FHOD3: variants seen among roughly 807,000 people sequenced by gnomAD.
FHOD3 encodes FH1/FH2 domain-containing protein 3.
Under a neutral mutation model 173.0 loss-of-function variants are expected in FHOD3, and 90 were observed. The ratio of observed to expected loss-of-function variants is 0.52; its 90% CI spans 0.44 to 0.62. The LOEUF is 0.62. FHOD3 is among the 20% of genes least tolerant of loss of function. The probability of loss-of-function intolerance (pLI) is 0.00; values close to 1 mark genes in which losing one functional copy is unlikely to be tolerated. For missense variants in FHOD3, 1,945 were observed against 2,034.7 expected, an observed-to-expected ratio of 0.96 and a Z score of 0.85; for synonymous variants, 828 against 823.0, an observed-to-expected ratio of 1.01 and a Z score of -0.10.
intron 2 of FHOD3, among the ~76,000 whole-genome samples, chr18:36,369,778 G>A (rs2047087099): frequency 6.6e-6 from 1 of 151,906 alleles, no homozygotes; most frequent in Admixed American, 6.6e-5. Context: ...TTTTGGTTAG[G>A]TTTTAGTACT....
intron 18 of FHOD3, among the ~76,000 whole-genome samples, chr18:36,716,938 G>T (rs1458717596): frequency 2.0e-5 from 3 of 151,718 alleles, no homozygotes; most frequent in African/African-American, 7.3e-5. Flanking sequence ...GTGTGTGTGT[G>T]TGTGTGTGTG....
At chr18:36,309,939 G>A (rs536496633) in intron 1 of FHOD3, among the ~76,000 whole-genome samples, 108 of 152,330 alleles carry the variant, frequency 7.1e-4, no homozygotes, top group Non-Finnish European at 1.3e-3. Flanking sequence ...TTGGGCCTCC[G>A]TCTCAAAGGT....
chr18:36,664,647 A>C (rs996006719), intron 14 of FHOD3, among the ~76,000 whole-genome samples: 1 of 152,058 alleles, frequency 6.6e-6, no homozygotes, highest in African/African-American at 2.4e-5. Context: ...CACATGTTTT[A>C]GATCTGACTT....
chr18:36,425,987 G>C (rs1214073978), intron 3 of FHOD3, among the ~76,000 whole-genome samples: 1 of 150,738 alleles, frequency 6.6e-6, no homozygotes, highest in East Asian at 2.0e-4. Context: ...TGCAAGCTCT[G>C]CCTCCCGGGT....
intron 17 of FHOD3, among the ~76,000 whole-genome samples, chr18:36,703,356 G>C (rs1167007543): frequency 6.6e-6 from 1 of 152,152 alleles, no homozygotes; most frequent in Non-Finnish European, 1.5e-5. Flanking sequence ...TGTTCTGTGC[G>C]GGAGTCAGCA....
At chr18:36,614,488 C>T (rs11081959) in intron 9 of FHOD3, among the ~76,000 whole-genome samples, 9,801 of 152,176 alleles carry the variant, frequency 0.064, 463 homozygotes, top group East Asian at 0.22. Flanking sequence ...TGTGTACATA[C>T]GTTTTCAGTT....
chr18:36,476,290 G>A (rs189420944), intron 3 of FHOD3, among the ~76,000 whole-genome samples: 1 of 152,314 alleles, frequency 6.6e-6, no homozygotes, highest in African/African-American at 2.4e-5. Context: ...GGCCTGAGAA[G>A]CAGGACCATC....
intron 17 of FHOD3, among the ~76,000 whole-genome samples, chr18:36,701,114 A>G (rs199876921): frequency 6.6e-6 from 1 of 152,218 alleles, no homozygotes; most frequent in Non-Finnish European, 1.5e-5. Flanking sequence ...CATTCAGTAC[A>G]TGGGTTATGA....
At chr18:36,756,884 T>C (rs969928766) in intron 25 of FHOD3, among the ~76,000 whole-genome samples, 1 of 152,124 alleles carries the variant, frequency 6.6e-6, no homozygotes, top group Non-Finnish European at 1.5e-5. Flanking sequence ...TTTCCTGAAA[T>C]CTCAGTTCAG....
intron 17 of FHOD3, among the ~76,000 whole-genome samples, chr18:36,700,499 T>C (rs759724679): frequency 6.6e-6 from 1 of 152,208 alleles, no homozygotes; most frequent in Non-Finnish European, 1.5e-5. Flanking sequence ...TTACCTTACA[T>C]CCAATCAATC....
intron 3 of FHOD3, among the ~76,000 whole-genome samples, chr18:36,387,874 T>C (rs1286969481): frequency 6.6e-6 from 1 of 152,000 alleles, no homozygotes; most frequent in Non-Finnish European, 1.5e-5. Flanking sequence ...CCAGTGAGAC[T>C]GTGTGACCAT....
chr18:36,628,524 C>CTTA (rs2034280059), intron 10 of FHOD3, among the ~76,000 whole-genome samples: 1 of 152,176 alleles, frequency 6.6e-6, no homozygotes, highest in Non-Finnish European at 1.5e-5. Context: ...CTAATAAAGA[C>CTTA]TAATAAGAGC....
intron 3 of FHOD3, among the ~76,000 whole-genome samples, chr18:36,390,222 G>A (rs150884801): frequency 1.8e-4 from 27 of 152,250 alleles, no homozygotes; most frequent in Admixed American, 7.8e-4. Context: ...AGGTGATAGG[G>A]GGACGTGTCC....
intron 2 of FHOD3, among the ~76,000 whole-genome samples, chr18:36,368,886 G>A (rs1223990097): frequency 6.6e-6 from 1 of 152,084 alleles, no homozygotes; most frequent in Non-Finnish European, 1.5e-5. Flanking sequence ...CCACCCCCCT[G>A]ATCCAATCAC....
chr18:36,366,223 T>A (rs2046891743), intron 2 of FHOD3, among the ~76,000 whole-genome samples: 1 of 152,016 alleles, frequency 6.6e-6, no homozygotes, highest in Non-Finnish European at 1.5e-5. Flanking sequence ...GATTCTTGAA[T>A]GGGCAGTGAA....
chr18:36,351,034 G>A (rs1248072971), intron 1 of FHOD3, among the ~76,000 whole-genome samples: 2 of 152,132 alleles, frequency 1.3e-5, no homozygotes, highest in African/African-American at 4.8e-5. Flanking sequence ...TTAATCTCCT[G>A]TGTCTCGGGT....
At chr18:36,419,037 G>A (rs915359789) in intron 3 of FHOD3, among the ~76,000 whole-genome samples, 3 of 151,942 alleles carry the variant, frequency 2.0e-5, no homozygotes, top group Admixed American at 6.6e-5. Flanking sequence ...AGTAAAAAAC[G>A]TGTATGGTTC....
chr18:36,508,007 T>A (rs2055399298), intron 4 of FHOD3, among the ~76,000 whole-genome samples: 2 of 152,256 alleles, frequency 1.3e-5, no homozygotes, highest in South Asian at 4.1e-4. Flanking sequence ...ACACTGTAAT[T>A]TGTGCAGTGT....
chr18:36,733,742 C>G (rs564371149), intron 20 of FHOD3, among the ~76,000 whole-genome samples: 2 of 152,328 alleles, frequency 1.3e-5, no homozygotes, highest in South Asian at 4.1e-4. Context: ...AGCACCAAAT[C>G]TGACTTTCAT....
Sources: allele counts gnomAD v4.1 joint callset (sites outside exome capture counted in the v4.1 genomes callset), GRCh38; gene constraint gnomAD v4.1.1; transcripts MANE v1.5; gene names NCBI Gene and HGNC (gene_info 2026-07-23, HGNC 2026-07-21).